RARB: variants seen among roughly 807,000 people sequenced by gnomAD.
RARB encodes retinoic acid receptor beta, also known as HBV-activated protein.
A neutral mutation model predicts 51.9 loss-of-function variants in RARB; 17 were observed. That is an observed-to-expected ratio of 0.33 (90% CI 0.22 to 0.49). The LOEUF (loss-of-function observed/expected upper bound fraction) is 0.49. Ranked by LOEUF, RARB falls within the 20% of genes least tolerant of loss-of-function variation. RARB has a pLI of 0.99. For synonymous variants in RARB, 215 were observed against 195.4 expected (o/e 1.10, Z -0.84); for missense variants, 369 against 550.8 (o/e 0.67, Z 3.30).
At chr3:25,201,587 T>A (rs1023008768) in intron 5 of RARB, among the ~76,000 whole-genome samples, 1 of 152,206 alleles carries the variant, frequency 6.6e-6, no homozygotes, top group Non-Finnish European at 1.5e-5. Flanking sequence ...TAGCTCTTAT[T>A]ATTTTGAGAT....
At chr3:25,278,140 A>G (rs1703436740) in intron 5 of RARB, among the ~76,000 whole-genome samples, 1 of 152,172 alleles carries the variant, frequency 6.6e-6, no homozygotes, top group Non-Finnish European at 1.5e-5. Context: ...CATTATGAGC[A>G]TTGTAGCTAC....
At chr3:25,186,941 T>TGTGTGTGTG in intron 5 of RARB, among the ~76,000 whole-genome samples, 1 of 56,404 alleles carries the variant, frequency 1.8e-5, no homozygotes, top group Admixed American at 2.0e-4. Flanking sequence ...GTGTGTGTGT[T>TGTGTGTGTG]TTCCTGCTAA....
intron 3 of RARB, among the ~76,000 whole-genome samples, chr3:25,121,158 G>C (rs376763695): frequency 6.6e-6 from 1 of 152,274 alleles, no homozygotes; most frequent in Middle Eastern, 3.4e-3. Context: ...GGCTATACTG[G>C]AAAGATCATT....
At position 25,094,630 on chromosome 3, in the gene RARB, T is replaced by C. The variant is rs535596120; in HGVS notation, c.-328+34454T>C. Among the ~76,000 whole-genome samples, 3 of 137,230 alleles carry C rather than the reference T, an allele frequency of 2.2e-5. No homozygotes were observed. In the South Asian group the frequency reaches 7.0e-4, roughly 32 times the overall value. 90.0% of individuals were successfully genotyped at this position (137,230 alleles called of 152,430 possible). ...CTATTCAGGAGGCTTAGGGAGAGGA[T>C]GGCTTGAGCCCAGGAGGCAGAGGGT... On this transcript the variant is annotated intron_variant, in intron 3 of 11. Transcript: ENST00000383772.
intron 2 of RARB, among the ~76,000 whole-genome samples, chr3:24,985,944 G>C (rs1433952148): frequency 6.6e-6 from 1 of 152,184 alleles, no homozygotes; most frequent in East Asian, 1.9e-4. Flanking sequence ...ACTAAGAACA[G>C]AGACTTAGCG....
intron 2 of RARB, among the ~76,000 whole-genome samples, chr3:25,055,176 C>T (rs2125301429): frequency 6.6e-6 from 1 of 152,224 alleles, no homozygotes; most frequent in African/African-American, 2.4e-5. Flanking sequence ...ATTTAAAATA[C>T]ACAACCATGT....
At chr3:25,537,253 A>T (rs946197315) in intron 3 of RARB, among the ~76,000 whole-genome samples, 1 of 152,216 alleles carries the variant, frequency 6.6e-6, no homozygotes, top group African/African-American at 2.4e-5. Context: ...AAGCATCTGG[A>T]AAGGGCCATT....
intron 5 of RARB, among the ~76,000 whole-genome samples, chr3:25,407,336 G>A (rs1707438841): frequency 6.6e-6 from 1 of 152,116 alleles, no homozygotes; most frequent in African/African-American, 2.4e-5. Flanking sequence ...TTATGCACTG[G>A]GATTTGGGAC....
At chr3:25,577,199 C>T (rs1023170678) in intron 4 of RARB, among the ~76,000 whole-genome samples, 4 of 152,186 alleles carry the variant, frequency 2.6e-5, no homozygotes, top group Non-Finnish European at 4.4e-5. Flanking sequence ...CCCACACCCT[C>T]CGGTTCGCCC....
chr3:25,410,106 A>G (rs1707519476), intron 5 of RARB, among the ~76,000 whole-genome samples: 1 of 152,166 alleles, frequency 6.6e-6, no homozygotes, highest in Non-Finnish European at 1.5e-5. Flanking sequence ...GAGATTTTGT[A>G]CTTTGGCCAA....
At chr3:25,123,222 A>G (rs1559474568) in intron 3 of RARB, among the ~76,000 whole-genome samples, 2 of 151,972 alleles carry the variant, frequency 1.3e-5, no homozygotes, top group Non-Finnish European at 2.9e-5. Context: ...CTCACCTTCC[A>G]TTACTTTATG....
rs574179465 is a variant in RARB at position 25,007,755 on chromosome 3, G to T, written c.-379-52370G>T. Among the ~76,000 whole-genome samples the T allele has an allele frequency of 2.6e-5, 4 of 151,970 alleles. No individual in the cohort carries two copies. In the South Asian group the frequency reaches 8.4e-4, roughly 32 times the overall value. ...TCAAAAATCATTTTCTTGATTTTGG[G>T]CTCAATGATGTTTTAATCTTCATTT... On this transcript the variant is annotated intron_variant, in intron 2 of 11. Coordinates refer to the RARB transcript ENST00000383772.
Position 25,240,717 on chromosome 3 carries a change from G to A in RARB, c.178+66142G>A, listed in dbSNP as rs558609015. Among the ~76,000 whole-genome samples, 6 of 152,222 alleles carry A rather than the reference G, an allele frequency of 3.9e-5. No individual in the cohort carries two copies. The East Asian group carries it at 1.2e-3, about 29-fold the overall frequency. Reference sequence around the variant, plus strand: ...TGGTGTATTATCTTTTTGATGTGCTGTTGAATTCAGTTTGTTAGTATTTTG... The same window carrying A: ...TGGTGTATTATCTTTTTGATGTGCTATTGAATTCAGTTTGTTAGTATTTTG... On this transcript the variant is annotated intron_variant, in intron 5 of 11. Coordinates refer to the RARB transcript ENST00000383772.
At chr3:25,068,910 G>A (rs1005799740) in intron 3 of RARB, among the ~76,000 whole-genome samples, 3 of 151,812 alleles carry the variant, frequency 2.0e-5, no homozygotes, top group Admixed American at 2.0e-4. Context: ...GGGGCAATAG[G>A]GCCATAAACT....
chr3:25,139,402 A>T (rs576953327), intron 4 of RARB, among the ~76,000 whole-genome samples: 1 of 152,298 alleles, frequency 6.6e-6, no homozygotes, highest in East Asian at 1.9e-4. Flanking sequence ...AAACAGCCTT[A>T]TTGCTGATAC....
chr3:25,209,938 C>G (rs1416086602), intron 5 of RARB, among the ~76,000 whole-genome samples: 1 of 152,140 alleles, frequency 6.6e-6, no homozygotes, highest in East Asian at 1.9e-4. Flanking sequence ...AGTTATAAAA[C>G]TAAACATTCT....
At chr3:24,991,235 G>A (rs923290455) in intron 2 of RARB, among the ~76,000 whole-genome samples, 3 of 152,186 alleles carry the variant, frequency 2.0e-5, no homozygotes, top group African/African-American at 7.2e-5. Context: ...GAGGTCAGGA[G>A]TTCAAGACCA....
intron 2 of RARB, among the ~76,000 whole-genome samples, chr3:24,933,339 T>A (rs1695480972): frequency 6.6e-6 from 1 of 152,216 alleles, no homozygotes; most frequent in South Asian, 2.1e-4. Context: ...TTAGGAAACA[T>A]ATCTGATGTC....
chr3:25,569,773 G>A lies in RARB; in HGVS notation c.464G>A (p.Arg155Lys), dbSNP rs746760676. 2 of 1,613,944 alleles carry A rather than the reference G, an allele frequency of 1.2e-6. No homozygotes were observed. Among genetic ancestry groups the A allele is most frequent in the Non-Finnish European group, 1.7e-6 (2 of 1,179,950 alleles). ...GMSKESVRND[R>K]NKKKKETSKQ... is the part of the protein sequence containing the mutation. ...TCGTTTCCAGCTGTCAGGAATGACAGGAACAAGAAAAAGAAGGAGACTTCG... is the reference window on the plus strand; with the variant it reads ...TCGTTTCCAGCTGTCAGGAATGACAAGAACAAGAAAAAGAAGGAGACTTCG... Residue 155 changes from arginine to lysine, a missense_variant, in exon 4 of 8, where the codon AGG becomes AAG. Arg to Lys is a conservative substitution (Grantham distance 26, BLOSUM62 2). Transcript: ENST00000330688.
Sources: allele counts gnomAD v4.1 joint callset (sites outside exome capture counted in the v4.1 genomes callset), GRCh38; gene constraint gnomAD v4.1.1; transcripts MANE v1.5; gene names NCBI Gene and HGNC (gene_info 2026-07-23, HGNC 2026-07-21).